Variants in CREB3L3 observed in about 807,000 individuals in gnomAD.
CREB3L3 encodes the protein cAMP responsive element binding protein 3 like 3.
Under a neutral mutation model 44.6 loss-of-function variants are expected in CREB3L3, and 40 were observed. That is an observed-to-expected ratio of 0.90 (90% CI 0.70 to 1.17). The LOEUF is 1.17. Ranked by LOEUF, CREB3L3 falls within the 50% of genes most tolerant of loss-of-function variation. The pLI, the probability that CREB3L3 is intolerant of heterozygous loss-of-function variation, is 0.00. For missense variants in CREB3L3, 578 were observed against 595.8 expected (o/e 0.97, Z 0.31); for synonymous variants, 273 against 256.3 (o/e 1.06, Z -0.62).
chr19:4,171,950 C>G lies in CREB3L3; in HGVS notation c.1367C>G (p.Ala456Gly). Residue 456 changes from alanine to glycine, a missense_variant, in exon 10 of 10, where the codon GCG becomes GGG. Coordinates refer to ENST00000078445, the MANE Select transcript of CREB3L3 (RefSeq NM_032607.3). This position sits in a 1 kb window ranked among gnomAD's most constrained non-coding sequence, Gnocchi z 4.9. ...STGSGRAGLE[A>G]AGDEL ...GGCTCAGGACGTGCAGGGCTGGAGG[C>G]GGCGGGAGACGAGCTGTGAGCCCCG... The G allele has an allele frequency of 6.2e-7, 1 of 1,602,212 alleles. No individual in the cohort carries two copies. Among genetic ancestry groups the G allele is most frequent in the Non-Finnish European group, 8.5e-7 (1 of 1,175,806 alleles).
At chr19:4,166,315 C>T (rs373300114) in intron 5 of CREB3L3, among the ~76,000 whole-genome samples, 8 of 150,026 alleles carry the variant, frequency 5.3e-5, no homozygotes, top group African/African-American at 1.5e-4. Flanking sequence ...AGTGCAGTGG[C>T]GCGATCTCGG....
Position 4,157,294 on chromosome 19 carries a change from G to A in CREB3L3, c.456G>A (p.Leu152=). Residue 152 remains leucine, a splice_region_variant and synonymous_variant, in exon 3 of 10, where the codon CTG becomes CTA. Coordinates refer to ENST00000078445, the MANE Select transcript of CREB3L3 (RefSeq NM_032607.3). ...CTGAAGCCTCTGTGACCATAGACCT[G>A]GGTGAGTCCTGCTGTGTCTCTGCCC... ...QVPEASVTID[L]EMWSPGGRIC... 6.2e-7 allele frequency: 1 copy of A among 1,614,074 alleles called. No homozygotes were observed. The highest frequency in any genetic ancestry group is 8.5e-7 in the Non-Finnish European group (1 of 1,180,000).
Position 4,172,318 on chromosome 19 carries a change from A to C in CREB3L3, c.*349A>C. The C allele has an allele frequency of 2.6e-6, 1 of 379,398 alleles. No individual in the cohort carries two copies. The highest frequency in any genetic ancestry group is 5.3e-5 in the East Asian group (1 of 18,864). The allele number at this position is 379,398 out of a possible 1,614,324, so 23.5% of individuals were successfully genotyped here. ...ACACAGCCTGAAACAGACCCAGACAAACAGACAGACAGACACAGCCTGAAA... is the reference window on the plus strand; with the variant it reads ...ACACAGCCTGAAACAGACCCAGACACACAGACAGACAGACACAGCCTGAAA... On this transcript the variant is annotated 3_prime_UTR_variant, in exon 10 of 10. Coordinates refer to ENST00000078445, the MANE Select transcript of CREB3L3 (RefSeq NM_032607.3).
At chr19:4,157,369 G>T in intron 3 of CREB3L3, 74 bp downstream of exon 3, 2 of 1,525,710 alleles carry the variant, frequency 1.3e-6, no homozygotes, top group Non-Finnish European at 1.8e-6. Flanking sequence ...GGAAATGGAG[G>T]CCCAGAGAGG....
rs1967062665 is a variant in CREB3L3 at position 4,172,006 on chromosome 19, A to T, written c.*37A>T. 7 of 1,535,844 alleles carry T rather than the reference A, an allele frequency of 4.6e-6. No individual in the cohort carries two copies. Among genetic ancestry groups the T allele is most frequent in the Non-Finnish European group, 4.4e-6 (5 of 1,143,138 alleles). On this transcript the variant is annotated 3_prime_UTR_variant, in exon 10 of 10. Transcript: ENST00000078445. ...ACTATGCTCCCAGGCCCCTCTGCCC[A>T]GGGGTGCCTTGGGGATGCTGCACTG...
At chr19:4,164,422 T>C (rs558710249) in intron 4 of CREB3L3, 81 bp from the exon 5 acceptor site, 454 of 1,579,486 alleles carry the variant, frequency 2.9e-4, no homozygotes, top group African/African-American at 1.7e-3. Flanking sequence ...GTGATAGTGT[T>C]TTCGATCTGA....
chr19:4,169,467 G>A (rs761643761), intron 6 of CREB3L3, among the ~76,000 whole-genome samples: 14 of 151,802 alleles, frequency 9.2e-5, no homozygotes, highest in South Asian at 2.1e-4. Flanking sequence ...GCGACAGAGC[G>A]AGACTCCATC....
At chr19:4,162,667 C>A (rs2041675156) in intron 4 of CREB3L3, among the ~76,000 whole-genome samples, 1 of 151,430 alleles carries the variant, frequency 6.6e-6, no homozygotes, top group Admixed American at 6.6e-5. Flanking sequence ...CTGGGTGACA[C>A]AGTGACATCT....
intron 5 of CREB3L3, among the ~76,000 whole-genome samples, chr19:4,166,086 T>C (rs1008679490): frequency 6.8e-6 from 1 of 147,824 alleles, no homozygotes; most frequent in African/African-American, 2.6e-5. Flanking sequence ...TATTCTCATC[T>C]GTTTTTTTTT....
chr19:4,156,333 A>G (rs2041576432), intron 2 of CREB3L3, among the ~76,000 whole-genome samples: 1 of 151,258 alleles, frequency 6.6e-6, no homozygotes, highest in Non-Finnish European at 1.5e-5. Flanking sequence ...GATTACAGGC[A>G]TGTGCCACCA....
At chr19:4,161,917 C>T (rs549665571) in intron 4 of CREB3L3, among the ~76,000 whole-genome samples, 29 of 152,196 alleles carry the variant, frequency 1.9e-4, no homozygotes, top group South Asian at 4.2e-4. Flanking sequence ...GAAGGCTTCC[C>T]GGAGGAGGCA....
At chr19:4,167,420 AAAAG>A (rs1343047423) in intron 5 of CREB3L3, among the ~76,000 whole-genome samples, 239 of 137,698 alleles carry the variant, frequency 1.7e-3, no homozygotes, top group Middle Eastern at 7.4e-3. Flanking sequence ...GAAAAGAAAG[AAAAG>A]AAAGAAAGAA....
In CREB3L3 at chr19:4,171,426, G is replaced by C; in HGVS notation, c.1019G>C (p.Ser340Thr). 2 of 1,614,084 alleles carry C rather than the reference G, an allele frequency of 1.2e-6. No homozygotes were observed. The highest frequency in any genetic ancestry group is 8.5e-7 in the Non-Finnish European group (1 of 1,179,998). Residue 340 changes from serine (S) to threonine (T), a missense_variant, in exon 9 of 10, where the codon AGC (serine) becomes ACC (threonine). Coordinates refer to ENST00000078445, the MANE Select transcript of CREB3L3 (RefSeq NM_032607.3). This position sits in a 1 kb window ranked among gnomAD's most constrained non-coding sequence, Gnocchi z 4.9. ...GCCCTCATCATCCTCCCCTCCATCA[G>C]CCCTTTTGGCCCCAACAAAACCGAG... ...SFALIILPSI[S>T]PFGPNKTESP...
chr19:4,159,891 G>A (rs2145124697), intron 4 of CREB3L3, 109 bp downstream of exon 4: 1 of 727,824 alleles, frequency 1.4e-6, no homozygotes, highest in Non-Finnish European at 2.5e-6. Flanking sequence ...GTCACAGAAA[G>A]GCGTGGAATT....
Position 4,172,970 on chromosome 19 carries a change from C to A in CREB3L3, c.*1001C>A, listed in dbSNP as rs868253266. 1 of 153,138 alleles carries A rather than the reference C, an allele frequency of 6.5e-6. No homozygotes were observed. The highest frequency in any genetic ancestry group is 1.5e-5 in the Non-Finnish European group (1 of 68,588). 9.5% of individuals were successfully genotyped at this position (153,138 alleles called of 1,614,324 possible). A position where few individuals can be genotyped will look rare whatever the true frequency, so the allele number is the denominator to read the frequency against. Reference sequence around the variant, plus strand: ...GAGCCTGGCCCCGGAGCCCCGGGTGCGCCCTGGTCTTTGGAGCAGCCACGG... The same window carrying A: ...GAGCCTGGCCCCGGAGCCCCGGGTGAGCCCTGGTCTTTGGAGCAGCCACGG... On this transcript the variant is annotated 3_prime_UTR_variant, in exon 10 of 10. Transcript: ENST00000078445.
chr19:4,171,438 C>A lies in CREB3L3; in HGVS notation c.1031C>A (p.Pro344His). Residue 344 changes from proline to histidine, a missense_variant, in exon 9 of 10, where the codon CCC becomes CAC. By Grantham distance (77) the Pro-to-His change is moderately conservative. Coordinates refer to ENST00000078445, the MANE Select transcript of CREB3L3 (RefSeq NM_032607.3). This position sits in a 1 kb window ranked among gnomAD's most constrained non-coding sequence, Gnocchi z 4.9. ...CTCCCCTCCATCAGCCCTTTTGGCC[C>A]CAACAAAACCGAGAGCCCTGGGGAC... ...IILPSISPFGPNKTESPGDFA... is the reference protein window; with the variant it reads ...IILPSISPFGHNKTESPGDFA... 7 of 1,614,082 alleles carry A rather than the reference C, an allele frequency of 4.3e-6. No individual in the cohort carries two copies. The highest frequency in any genetic ancestry group is 5.1e-6 in the Non-Finnish European group (6 of 1,180,006).
At chr19:4,170,859 T>C (rs350848) in intron 7 of CREB3L3, among the ~76,000 whole-genome samples, 133,365 of 151,850 alleles carry the variant, frequency 0.88, 58,951 homozygotes, top group Middle Eastern at 0.94. Context: ...TGCAGTGAGC[T>C]GCCATCCCAC....
rs772912004 is a variant in CREB3L3 at position 4,164,577 on chromosome 19, G to A, written c.651G>A (p.Glu217=). Residue 217 remains glutamate, a synonymous_variant, in exon 5 of 10, where the codon GAG becomes GAA. Coordinates refer to ENST00000078445, the MANE Select transcript of CREB3L3 (RefSeq NM_032607.3). ...ACTGTCAGGAGCTGGTGCTCACCGA[G>A]GATGAGAAGAAGCTGCTGGCTAAAG... ...AGHCQELVLT[E]DEKKLLAKEG... is the part of the protein sequence containing the mutation. 1.4e-5 allele frequency: 23 copies of A among 1,614,004 alleles called. No individual in the cohort carries two copies. In the South Asian group the frequency reaches 2.4e-4, roughly 17 times the overall value.
chr19:4,163,090 G>A (rs1599337807), intron 4 of CREB3L3, among the ~76,000 whole-genome samples: 3 of 152,048 alleles, frequency 2.0e-5, no homozygotes, highest in Non-Finnish European at 2.9e-5. Context: ...GGCAGATCAC[G>A]AGGTCAGGAG....
Sources: gnomAD v4.1 joint callset for allele counts (sites outside exome capture counted in the v4.1 genomes callset) on GRCh38, gnomAD v4.1.1 for gene constraint, Gnocchi (gnomAD v3.1) non-coding constraint, MANE v1.5 for transcripts, NCBI Gene and HGNC (gene_info 2026-07-23, HGNC 2026-07-21) for gene names.